BACE2: variants seen among roughly 807,000 people sequenced by gnomAD.
The protein encoded by BACE2 is beta-secretase 2.
Under a neutral mutation model 46.2 loss-of-function variants are expected in BACE2, and 17 were observed. That is an observed-to-expected ratio of 0.37 (90% confidence interval 0.25 to 0.55). BACE2 has a LOEUF of 0.55. BACE2 is among the 20% of genes least tolerant of loss of function. The pLI, the probability that BACE2 is intolerant of heterozygous loss-of-function variation, is 0.82. For missense variants in BACE2, 595 were observed against 698.1 expected, an observed-to-expected ratio of 0.85 and a Z score of 1.66; for synonymous variants, 277 against 295.9, an observed-to-expected ratio of 0.94 and a Z score of 0.66.
chr21:41,222,508 C>A (rs1013809176), intron 1 of BACE2, among the ~76,000 whole-genome samples: 1 of 152,228 alleles, frequency 6.6e-6, no homozygotes, highest in African/African-American at 2.4e-5. Context: ...ATGTCTGGGG[C>A]TTTCACGGAG....
chr21:41,176,987 C>T (rs1218061673), intron 1 of BACE2: 2 of 152,164 alleles, frequency 1.3e-5, no homozygotes, highest in Non-Finnish European at 2.9e-5. Flanking sequence ...ACTGCAAATC[C>T]CTCCTCTACA....
intron 2 of BACE2, among the ~76,000 whole-genome samples, chr21:41,237,174 G>C (rs147395877): frequency 6.6e-6 from 1 of 152,170 alleles, no homozygotes; most frequent in Admixed American, 6.5e-5. Context: ...TTAGCCGGGC[G>C]CAGTGGCTCA....
chr21:41,206,714 G>A (rs906063257), intron 1 of BACE2, among the ~76,000 whole-genome samples: 2 of 152,152 alleles, frequency 1.3e-5, no homozygotes, highest in Non-Finnish European at 2.9e-5. Flanking sequence ...TGATGATGAT[G>A]GTTACACAAC....
At chr21:41,174,756 A>G (rs1054960618) in intron 1 of BACE2, among the ~76,000 whole-genome samples, 7 of 152,142 alleles carry the variant, frequency 4.6e-5, no homozygotes, top group South Asian at 4.1e-4. Flanking sequence ...TGAGGCTCCT[A>G]TGACTGACTG....
intron 1 of BACE2, chr21:41,182,947 C>T (rs1016660132): frequency 1.2e-5 from 2 of 166,368 alleles, no homozygotes; most frequent in Non-Finnish European, 1.5e-5. Flanking sequence ...ATGTTTTGAA[C>T]CTCCCATTTA....
At position 41,168,215 on chromosome 21, in the gene BACE2, G is replaced by C. The variant is rs1984449941; in HGVS notation, c.-49G>C. Reference sequence around the variant, plus strand: ...AGTCGCTGAGCCGCGGCTGCCGGACGGGACGGGACCGGCTAGGCTGGGCGC... The same window carrying C: ...AGTCGCTGAGCCGCGGCTGCCGGACCGGACGGGACCGGCTAGGCTGGGCGC... On this transcript the variant is annotated 5_prime_UTR_variant, in exon 1 of 9. Transcript: ENST00000330333. 5 of 1,057,440 alleles carry C rather than the reference G, an allele frequency of 4.7e-6. No homozygotes were observed. The highest frequency in any genetic ancestry group is 5.8e-6 in the Non-Finnish European group (5 of 865,288). 65.5% of individuals were successfully genotyped at this position (1,057,440 alleles called of 1,614,324 possible). A position where few individuals can be genotyped will look rare whatever the true frequency, so the allele number is the denominator to read the frequency against.
At chr21:41,250,689 G>GT in intron 6 of BACE2, 63 bp from the exon 7 acceptor site, 1 of 1,532,930 alleles carries the variant, frequency 6.5e-7, no homozygotes. Context: ...GGAAAGCCTG[G>GT]AGCTGTTTCC....
intron 8 of BACE2, among the ~76,000 whole-genome samples, chr21:41,265,534 T>G (rs1484891707): frequency 6.6e-6 from 1 of 152,190 alleles, no homozygotes; most frequent in Non-Finnish European, 1.5e-5. Flanking sequence ...GGTGTAGTTT[T>G]AATTTGTGTC....
At chr21:41,224,591 T>C (rs957474889) in intron 1 of BACE2, among the ~76,000 whole-genome samples, 1 of 152,192 alleles carries the variant, frequency 6.6e-6, no homozygotes, top group Admixed American at 6.5e-5. Context: ...GTTCATTCTG[T>C]AAACAACTGG....
At position 41,168,536 on chromosome 21, in the gene BACE2, C is replaced by T. The variant is rs917226214; in HGVS notation, c.273C>T (p.Gly91=). 1.5e-6 allele frequency: 2 copies of T among 1,345,440 alleles called. No homozygotes were observed. Among genetic ancestry groups the T allele is most frequent in the Non-Finnish European group, 1.9e-6 (2 of 1,040,952 alleles). The allele number at this position is 1,345,440 out of a possible 1,614,324, so 83.3% of individuals were successfully genotyped here. The part of the protein sequence containing the change: ...VDNLQGDSGR[G]YYLEMLIGTP... Reference sequence around the variant, plus strand: ...ACCTGCAGGGGGACTCTGGCCGCGGCTACTACCTGGAGATGCTGATCGGGA... The same window carrying T: ...ACCTGCAGGGGGACTCTGGCCGCGGTTACTACCTGGAGATGCTGATCGGGA... Residue 91 remains glycine, a synonymous_variant, in exon 1 of 9, where the codon GGC becomes GGT. Transcript: ENST00000330333.
intron 7 of BACE2, among the ~76,000 whole-genome samples, chr21:41,253,808 G>GTC (rs1297744036): frequency 1.3e-5 from 2 of 152,306 alleles, no homozygotes; most frequent in African/African-American, 4.8e-5. Flanking sequence ...ACTTATAATG[G>GTC]TAGATATTTT....
intron 6 of BACE2, 39 bp downstream of exon 6, chr21:41,246,102 A>C: frequency 6.6e-7 from 1 of 1,514,832 alleles, no homozygotes. Context: ...CGAGTTGCTG[A>C]GTTACAGTCA....
intron 3 of BACE2, 136 bp downstream of exon 3, chr21:41,237,865 T>G (rs9975170): frequency 0.033 from 21,997 of 658,030 alleles, 475 homozygotes; most frequent in Middle Eastern, 0.044. Flanking sequence ...CAGACCAGCA[T>G]TCACACAATT....
intron 1 of BACE2, among the ~76,000 whole-genome samples, chr21:41,171,164 G>C (rs976976993): frequency 1.3e-5 from 2 of 152,226 alleles, no homozygotes; most frequent in Non-Finnish European, 2.9e-5. Context: ...CAAGGTGTTA[G>C]GGACTTATTG....
intron 1 of BACE2, among the ~76,000 whole-genome samples, chr21:41,200,051 A>AG (rs914521510): frequency 2.1e-5 from 2 of 93,446 alleles, no homozygotes; most frequent in African/African-American, 8.2e-5. Flanking sequence ...GGGTGGGGGG[A>AG]GGGGGGAGGA....
At chr21:41,221,783 G>C (rs547874893) in intron 1 of BACE2, among the ~76,000 whole-genome samples, 98 of 147,252 alleles carry the variant, frequency 6.7e-4, no homozygotes, top group African/African-American at 2.4e-3. Flanking sequence ...AGCTGAGATA[G>C]AGCCACTGCA....
Position 41,215,085 on chromosome 21 carries a change from C to T in BACE2, c.313-11181C>T, listed in dbSNP as rs1012876071. Among the ~76,000 whole-genome samples, 4 of 152,008 alleles carry T rather than the reference C, an allele frequency of 2.6e-5. 1 individual carries two copies. Among genetic ancestry groups the T allele is most frequent in the East Asian group, 1.9e-4 (1 of 5,180 alleles). ...CAGAGATGACCGTGGGCCTGGAGCA[C>T]GGGAGGTCACTGGTGAGCTTGGCCG... On this transcript the variant is annotated intron_variant, in intron 1 of 8. Transcript: ENST00000330333.
rs1417448074 is a variant in BACE2 at position 41,237,679 on chromosome 21, G to A, written c.568G>A (p.Gly190Arg). The A allele has an allele frequency of 1.2e-6, 2 of 1,614,088 alleles. No individual in the cohort carries two copies. The highest frequency in any genetic ancestry group is 1.7e-5 in the Admixed American group (1 of 60,012). Residue 190 changes from glycine (G) to arginine (R), a missense_variant, in exon 3 of 9, where the codon GGG (glycine) becomes AGG (arginine). Physicochemically the swap from Gly to Arg is moderately radical, Grantham distance 125 (BLOSUM62 -2). Transcript: ENST00000330333. ...TGAATCAGAGAATTTCTTTTTGCCT[G>A]GGATTAAATGGAATGGAATACTTGG... ...IFESENFFLP[G>R]IKWNGILGLA...
chr21:41,185,471 C>T (rs1985337530), intron 1 of BACE2, among the ~76,000 whole-genome samples: 1 of 152,164 alleles, frequency 6.6e-6, no homozygotes, highest in Non-Finnish European at 1.5e-5. Context: ...AGCCTGGGAG[C>T]TCCCAATTCC....
Sources: allele counts gnomAD v4.1 joint callset (sites outside exome capture counted in the v4.1 genomes callset), GRCh38; gene constraint gnomAD v4.1.1; transcripts MANE v1.5; gene names NCBI Gene and HGNC (gene_info 2026-07-23, HGNC 2026-07-21).